COMMD1: variants seen among roughly 807,000 people sequenced by gnomAD.
COMMD1 encodes COMM domain-containing protein 1.
In COMMD1, 10 loss-of-function variants were observed where a neutral mutation model predicts 17.2. That is an observed-to-expected ratio of 0.58 (90% confidence interval 0.36 to 0.99). The LOEUF (loss-of-function observed/expected upper bound fraction) is 0.99. Among genes scored for constraint, COMMD1 ranks in the 50% least tolerant of loss-of-function variants. The probability of loss-of-function intolerance (pLI) is 0.01; values close to 1 mark genes in which losing one functional copy is unlikely to be tolerated. For missense variants in COMMD1, 270 were observed against 231.8 expected (o/e 1.17, Z -1.07); for synonymous variants, 97 against 91.6 (o/e 1.06, Z -0.34).
At chr2:61,922,310 G>A (rs1265948338) in intron 1 of COMMD1, among the ~76,000 whole-genome samples, 2 of 152,110 alleles carry the variant, frequency 1.3e-5, no homozygotes, top group African/African-American at 4.8e-5. Context: ...GATTGTGGCA[G>A]TTTTTTTGTT....
Position 62,004,809 on chromosome 2 carries a change from T to C in COMMD1, c.462+3827T>C, listed in dbSNP as rs146838464. Among the ~76,000 whole-genome samples the C allele has an allele frequency of 2.7e-3, 404 of 152,314 alleles. 1 individual carries two copies. The highest frequency in any genetic ancestry group is 8.6e-3 in the African/African-American group (356 of 41,574). ...ATACTCTACTAAATCAAGTACCCAATTTTTAGAACACCTATAGGCACCCAC... is the reference window on the plus strand; with the variant it reads ...ATACTCTACTAAATCAAGTACCCAACTTTTAGAACACCTATAGGCACCCAC... On this transcript the variant is annotated intron_variant, in intron 2 of 2. Coordinates refer to ENST00000311832, the MANE Select transcript of COMMD1 (RefSeq NM_152516.4).
At chr2:61,896,403 T>C (rs988783623) in intron 1 of COMMD1, among the ~76,000 whole-genome samples, 2 of 151,668 alleles carry the variant, frequency 1.3e-5, no homozygotes, top group Non-Finnish European at 2.9e-5. Context: ...CTGGGCAACA[T>C]AGTGAGATCC....
chr2:62,097,367 G>T (rs1025919526), intron 2 of COMMD1, among the ~76,000 whole-genome samples: 2 of 152,264 alleles, frequency 1.3e-5, no homozygotes, highest in African/African-American at 2.4e-5. Flanking sequence ...TTTACTTAGG[G>T]TTGGCTCTAT....
At chr2:61,912,856 C>A (rs1669945124) in intron 1 of COMMD1, among the ~76,000 whole-genome samples, 1 of 152,132 alleles carries the variant, frequency 6.6e-6, no homozygotes, top group Non-Finnish European at 1.5e-5. Context: ...GGTCATGTGA[C>A]CTTCAAAGCC....
intron 1 of COMMD1, among the ~76,000 whole-genome samples, chr2:61,921,968 C>G (rs886746634): frequency 1.3e-5 from 2 of 152,064 alleles, no homozygotes; most frequent in Non-Finnish European, 2.9e-5. Context: ...AGTAAGAAGA[C>G]TGTTTTCCTG....
At position 61,941,044 on chromosome 2, in the gene COMMD1, C is replaced by CT. The variant is rs376857240; in HGVS notation, c.180+35195dup. Among the ~76,000 whole-genome samples, 1,027 of 145,326 alleles carry CT rather than the reference C, an allele frequency of 7.1e-3. 14 individuals are homozygous for CT. The highest frequency in any genetic ancestry group is 0.024 in the African/African-American group (956 of 39,282). Reference sequence around the variant, plus strand: ...CCCTTTTTTTTGTTAATAACCCCCCCTTTTTTTTTGGGATGGAGTCTCGCC... The same window carrying CT: ...CCCTTTTTTTTGTTAATAACCCCCCCTTTTTTTTTTGGGATGGAGTCTCGCC... On this transcript the variant is annotated intron_variant, in intron 1 of 2. Coordinates refer to ENST00000311832, the MANE Select transcript of COMMD1 (RefSeq NM_152516.4).
chr2:62,016,412 G>A (rs1669450429), intron 2 of COMMD1, among the ~76,000 whole-genome samples: 1 of 148,812 alleles, frequency 6.7e-6, no homozygotes, highest in African/African-American at 2.5e-5. Flanking sequence ...GTTTTGCCAT[G>A]TTGCCCAGGC....
intron 1 of COMMD1, among the ~76,000 whole-genome samples, chr2:61,996,279 G>C (rs1252717871): frequency 6.6e-6 from 1 of 151,818 alleles, no homozygotes; most frequent in South Asian, 2.1e-4. Flanking sequence ...TGCTGGTGGA[G>C]GGTCTTGCCT....
chr2:62,128,476 A>T (rs997933536), intron 2 of COMMD1, among the ~76,000 whole-genome samples: 2 of 152,194 alleles, frequency 1.3e-5, no homozygotes, highest in Non-Finnish European at 2.9e-5. Context: ...AATCACCAAA[A>T]GCAATTGAAA....
intron 2 of COMMD1, among the ~76,000 whole-genome samples, chr2:62,005,131 A>G (rs889399889): frequency 3.3e-5 from 5 of 152,246 alleles, no homozygotes; most frequent in Admixed American, 2.0e-4. Context: ...GGGATGGAAC[A>G]TAGGTATCGT....
chr2:61,935,128 G>A (rs913246285), intron 1 of COMMD1, among the ~76,000 whole-genome samples: 13 of 152,190 alleles, frequency 8.5e-5, no homozygotes, highest in Non-Finnish European at 1.8e-4. Flanking sequence ...AGAAGCTAGA[G>A]TCTCAATAAA....
intron 1 of COMMD1, among the ~76,000 whole-genome samples, chr2:61,916,434 T>G (rs1480120897): frequency 6.6e-6 from 1 of 152,096 alleles, no homozygotes; most frequent in Non-Finnish European, 1.5e-5. Context: ...TAAATTTTAT[T>G]TATTAAAGAT....
At chr2:61,895,873 C>T (rs1669539083) in intron 1 of COMMD1, among the ~76,000 whole-genome samples, 1 of 152,158 alleles carries the variant, frequency 6.6e-6, no homozygotes. Flanking sequence ...GCCCTACTGA[C>T]CAAGGTCCTA....
intron 1 of COMMD1, among the ~76,000 whole-genome samples, chr2:61,937,563 TATA>T (rs910216176): frequency 2.6e-4 from 40 of 152,208 alleles, no homozygotes; most frequent in Non-Finnish European, 5.9e-5. Flanking sequence ...CATTACCCCT[TATA>T]ATTATTATTT....
intron 2 of COMMD1, among the ~76,000 whole-genome samples, chr2:62,003,605 TACACACACACACACAC>T (rs57628894): frequency 6.8e-6 from 1 of 146,164 alleles, no homozygotes; most frequent in Admixed American, 6.9e-5. Flanking sequence ...CAGATATTTT[TACACACACACACACAC>T]ACACACACAC....
intron 1 of COMMD1, among the ~76,000 whole-genome samples, chr2:61,942,863 G>T (rs1670789948): frequency 6.6e-6 from 1 of 152,048 alleles, no homozygotes; most frequent in African/African-American, 2.4e-5. Flanking sequence ...CTCTTTACCT[G>T]TAAGTCAATC....
At chr2:61,965,045 T>TA (rs953330754) in intron 1 of COMMD1, among the ~76,000 whole-genome samples, 20 of 151,438 alleles carry the variant, frequency 1.3e-4, no homozygotes, top group East Asian at 3.9e-4. Flanking sequence ...CAAAAAAAAT[T>TA]AAAAAAAAAG....
chr2:62,134,463 T>G (rs890223563), intron 2 of COMMD1, among the ~76,000 whole-genome samples: 1 of 152,140 alleles, frequency 6.6e-6, no homozygotes, highest in South Asian at 2.1e-4. Flanking sequence ...TAGTTGCTCC[T>G]AGATACATAA....
chr2:62,034,612 A>G (rs947035885), intron 2 of COMMD1, among the ~76,000 whole-genome samples: 1 of 152,170 alleles, frequency 6.6e-6, no homozygotes, highest in Non-Finnish European at 1.5e-5. Context: ...ATGTTTTCAG[A>G]TGTTTAAGGC....
Sources: allele counts gnomAD v4.1 joint callset (sites outside exome capture counted in the v4.1 genomes callset), GRCh38; gene constraint gnomAD v4.1.1; transcripts MANE v1.5; gene names NCBI Gene and HGNC (gene_info 2026-07-23, HGNC 2026-07-21).